OSBPL10: variants seen among roughly 807,000 people sequenced by gnomAD.
OSBPL10 encodes the protein oxysterol-binding protein-related protein 10.
In OSBPL10, 49 loss-of-function variants were observed where a neutral mutation model predicts 81.7. That is an observed-to-expected ratio of 0.60 (90% CI 0.48 to 0.76). The LOEUF is 0.76. Ranked by LOEUF, OSBPL10 falls within the 30% of genes least tolerant of loss-of-function variation. The pLI is 0.00. For synonymous variants in OSBPL10, 419 were observed against 383.6 expected (o/e 1.09, Z -1.08); for missense variants, 923 against 987.8 (o/e 0.93, Z 0.88).
At chr3:31,681,948 AC>A (rs1331665254) in intron 8 of OSBPL10, among the ~76,000 whole-genome samples, 6 of 152,084 alleles carry the variant, frequency 3.9e-5, no homozygotes, top group Non-Finnish European at 8.8e-5. Flanking sequence ...GTAGCCCAAT[AC>A]CCAGCCCTCA....
chr3:32,059,398 C>T (rs1699738915), intron 1 of OSBPL10, among the ~76,000 whole-genome samples: 1 of 151,872 alleles, frequency 6.6e-6, no homozygotes, highest in South Asian at 2.1e-4. Context: ...ACAAGCCTGG[C>T]CAAGGTGGTG....
chr3:31,680,381 G>A (rs2125539645), intron 8 of OSBPL10, among the ~76,000 whole-genome samples: 1 of 152,236 alleles, frequency 6.6e-6, no homozygotes, highest in Admixed American at 6.5e-5. Flanking sequence ...TCAGATTCTG[G>A]TATCTCATCC....
chr3:32,060,502 G>C (rs1699747790), intron 1 of OSBPL10, among the ~76,000 whole-genome samples: 1 of 152,168 alleles, frequency 6.6e-6, no homozygotes, highest in Non-Finnish European at 1.5e-5. Flanking sequence ...TTCACCCACT[G>C]CTTTCCACTT....
intron 1 of OSBPL10, among the ~76,000 whole-genome samples, chr3:31,930,247 G>A (rs1230990706): frequency 6.6e-6 from 1 of 151,946 alleles, no homozygotes; most frequent in Non-Finnish European, 1.5e-5. Context: ...ATGAAAACAT[G>A]TTCAACTTCA....
Position 31,879,756 on chromosome 3 carries a change from C to T in OSBPL10, c.356G>A (p.Arg119Gln), listed in dbSNP as rs1695501590. The T allele has an allele frequency of 6.2e-7, 1 of 1,614,060 alleles. No individual in the cohort carries two copies. The highest frequency in any genetic ancestry group is 1.3e-5 in the African/African-American group (1 of 74,922). Residue 119 changes from arginine (R) to glutamine (Q), a missense_variant, in exon 2 of 12, where the codon CGA (arginine) becomes CAA (glutamine). Arg to Gln is a conservative substitution (Grantham distance 43). This residue lies in a region of OSBPL10 where 514 missense variants were observed against 508.0 expected (regional missense o/e 1.01). Transcript: ENST00000396556. ...VNEQSKHQKP[R>Q]GVLSLSGAIV... ...GGCTCCAGATAAAGACAGGACTCCT[C>T]GAGGCTTCTGGTGTTTGCTTTGCTC...
chr3:31,719,895 G>A (rs1307799338), intron 6 of OSBPL10, among the ~76,000 whole-genome samples: 1 of 151,766 alleles, frequency 6.6e-6, no homozygotes, highest in East Asian at 1.9e-4. Context: ...TTCATAGACT[G>A]GAATGGCTTT....
At chr3:31,682,103 C>T (rs187159521) in intron 8 of OSBPL10, among the ~76,000 whole-genome samples, 86 of 152,316 alleles carry the variant, frequency 5.6e-4, no homozygotes, top group Admixed American at 1.2e-3. Context: ...CAGATCCTTA[C>T]TACTCCACTA....
At chr3:32,067,981 G>C (rs547435131) in intron 1 of OSBPL10, among the ~76,000 whole-genome samples, 1 of 152,158 alleles carries the variant, frequency 6.6e-6, no homozygotes, top group African/African-American at 2.4e-5. Flanking sequence ...CCAGTTCCCT[G>C]TCCTCACCCT....
At chr3:31,870,107 A>T (rs983553313) in intron 3 of OSBPL10, among the ~76,000 whole-genome samples, 1 of 152,190 alleles carries the variant, frequency 6.6e-6, no homozygotes, top group East Asian at 1.9e-4. Context: ...CTCAGCTTGC[A>T]GGGAGGTGTG....
At chr3:31,882,433 T>G (rs536633334) in intron 1 of OSBPL10, among the ~76,000 whole-genome samples, 1 of 152,148 alleles carries the variant, frequency 6.6e-6, no homozygotes, top group African/African-American at 2.4e-5. Context: ...TTGTTAGAAA[T>G]GGAAAATCTT....
At chr3:31,841,097 G>A (rs188323780) in intron 3 of OSBPL10, among the ~76,000 whole-genome samples, 71 of 152,276 alleles carry the variant, frequency 4.7e-4, no homozygotes, top group Admixed American at 5.9e-4. Context: ...TAGTAGAGAC[G>A]GGGTTTCTCC....
At chr3:31,760,768 C>T (rs1438493186) in intron 4 of OSBPL10, among the ~76,000 whole-genome samples, 1 of 152,164 alleles carries the variant, frequency 6.6e-6, no homozygotes, top group Non-Finnish European at 1.5e-5. Flanking sequence ...TAAATTTCTA[C>T]AATACTATTT....
intron 1 of OSBPL10, among the ~76,000 whole-genome samples, chr3:31,951,482 T>C (rs1222646956): frequency 2.0e-5 from 3 of 152,054 alleles, no homozygotes; most frequent in Non-Finnish European, 2.9e-5. Flanking sequence ...AGGATTGAGT[T>C]GAAGAAGAAT....
chr3:31,916,876 G>A (rs58739627), intron 1 of OSBPL10, among the ~76,000 whole-genome samples: 45,311 of 151,828 alleles, frequency 0.3, 7,539 homozygotes, highest in African/African-American at 0.43. Flanking sequence ...GCTTATCTCT[G>A]CTTTCCATCT....
chr3:31,885,927 G>C (rs60672727), intron 1 of OSBPL10, among the ~76,000 whole-genome samples: 3 of 148,770 alleles, frequency 2.0e-5, no homozygotes, highest in Non-Finnish European at 3.0e-5. Flanking sequence ...CCCAGGATGC[G>C]GAGGTTGCAG....
intron 4 of OSBPL10, among the ~76,000 whole-genome samples, chr3:31,790,371 AT>A (rs1698979605): frequency 6.6e-6 from 1 of 152,224 alleles, no homozygotes; most frequent in African/African-American, 2.4e-5. Context: ...TTAAAAGACC[AT>A]TTGTGTGTGG....
At chr3:31,766,339 T>G (rs1698197692) in intron 4 of OSBPL10, among the ~76,000 whole-genome samples, 1 of 108,808 alleles carries the variant, frequency 9.2e-6, no homozygotes, top group Non-Finnish European at 1.7e-5. Flanking sequence ...GTTTTTTTGT[T>G]TTTTTTTGTT....
intron 4 of OSBPL10, among the ~76,000 whole-genome samples, chr3:31,819,521 T>G (rs1019619255): frequency 6.6e-6 from 1 of 152,166 alleles, no homozygotes; most frequent in Non-Finnish European, 1.5e-5. Context: ...CGAGTCCTCA[T>G]TGGGGTACTG....
intron 4 of OSBPL10, among the ~76,000 whole-genome samples, chr3:31,753,543 T>C (rs78118658): frequency 0.11 from 17,364 of 152,148 alleles, 1,413 homozygotes; most frequent in African/African-American, 0.24. Context: ...CTGTCTGCCT[T>C]AACATGGCTG....
Sources: allele counts gnomAD v4.1 joint callset (sites outside exome capture counted in the v4.1 genomes callset), GRCh38; gene constraint gnomAD v4.1.1; regional missense constraint gnomAD v4.1.1; transcripts MANE v1.5; gene names NCBI Gene and HGNC (gene_info 2026-07-23, HGNC 2026-07-21).